FGF12: variants seen among roughly 807,000 people sequenced by gnomAD.
The protein encoded by FGF12 is fibroblast growth factor 12.
FGF12 carries 14 observed loss-of-function variants against 23.6 expected under a neutral mutation model. That is an observed-to-expected ratio of 0.59 (90% CI 0.39 to 0.93). FGF12 has a LOEUF of 0.93. Ranked by LOEUF, FGF12 falls within the 40% of genes least tolerant of loss-of-function variation. The pLI, the probability that FGF12 is intolerant of heterozygous loss-of-function variation, is 0.00. For synonymous variants in FGF12, 62 were observed against 77.3 expected, an observed-to-expected ratio of 0.80 and a Z score of 1.04; for missense variants, 175 against 217.8, an observed-to-expected ratio of 0.80 and a Z score of 1.24.
intron 2 of FGF12, among the ~76,000 whole-genome samples, chr3:192,540,941 T>C (rs188261883): frequency 1.7e-3 from 260 of 152,268 alleles, no homozygotes; most frequent in African/African-American, 5.9e-3. Context: ...CTTTGTCTGA[T>C]GTAAGTATAG....
chr3:192,482,956 TTGTC>T (rs567823002), intron 2 of FGF12, among the ~76,000 whole-genome samples: 16 of 152,178 alleles, frequency 1.1e-4, no homozygotes, highest in Non-Finnish European at 2.1e-4. Flanking sequence ...CAACTTTCCA[TTGTC>T]TGAAGAATAA....
chr3:192,687,709 T>G (rs1326091856), intron 2 of FGF12, among the ~76,000 whole-genome samples: 1 of 151,872 alleles, frequency 6.6e-6, no homozygotes, highest in East Asian at 1.9e-4. Context: ...AGCTCCTGCC[T>G]CCACCACTAT....
At chr3:192,414,087 T>C (rs1266540766) in intron 2 of FGF12, among the ~76,000 whole-genome samples, 2 of 152,204 alleles carry the variant, frequency 1.3e-5, no homozygotes, top group Non-Finnish European at 2.9e-5. Context: ...AGAGAACAGA[T>C]TTAATTCCTC....
At chr3:192,498,922 T>C (rs1286406014) in intron 2 of FGF12, among the ~76,000 whole-genome samples, 1 of 152,218 alleles carries the variant, frequency 6.6e-6, no homozygotes, top group Non-Finnish European at 1.5e-5. Context: ...CATAACAGAA[T>C]AGGTCAGAAA....
intron 2 of FGF12, among the ~76,000 whole-genome samples, chr3:192,378,813 A>G (rs1474747058): frequency 6.6e-6 from 1 of 151,924 alleles, no homozygotes; most frequent in Non-Finnish European, 1.5e-5. Flanking sequence ...TATACAGGTA[A>G]ACTCATGGAT....
At chr3:192,677,440 G>A (rs532092233) in intron 2 of FGF12, among the ~76,000 whole-genome samples, 78 of 152,284 alleles carry the variant, frequency 5.1e-4, no homozygotes, top group African/African-American at 1.6e-3. Context: ...GGCCCAGAGC[G>A]TTTTATACAT....
chr3:192,164,044 G>T (rs1220399148), intron 5 of FGF12, among the ~76,000 whole-genome samples: 2 of 151,610 alleles, frequency 1.3e-5, no homozygotes, highest in Non-Finnish European at 2.9e-5. Context: ...TTTTTTTTCA[G>T]AAGGGAAGAA....
intron 2 of FGF12, among the ~76,000 whole-genome samples, chr3:192,506,088 T>C (rs1317001721): frequency 1.3e-5 from 2 of 152,186 alleles, no homozygotes; most frequent in Non-Finnish European, 2.9e-5. Flanking sequence ...GAAGCAGGGA[T>C]AGGAAGGCAC....
Position 192,182,410 on chromosome 3 carries a change from A to G in FGF12, c.229-11754T>C, listed in dbSNP as rs1021582286. On this transcript the variant is annotated intron_variant, in intron 4 of 5. Coordinates refer to ENST00000445105, the MANE Select transcript of FGF12 (RefSeq NM_004113.6). ...ATAAAACATATATTCTGAAGTGCAA[A>G]TTTACTTACCCAGGCTCACAAAACA... Among the ~76,000 whole-genome samples, 4 of 152,212 alleles carry G rather than the reference A, an allele frequency of 2.6e-5. No homozygotes were observed. The South Asian group carries it at 8.3e-4, about 32-fold the overall frequency.
intron 2 of FGF12, among the ~76,000 whole-genome samples, chr3:192,449,885 C>A (rs1232102542): frequency 1.3e-5 from 2 of 152,170 alleles, no homozygotes; most frequent in Non-Finnish European, 1.5e-5. Context: ...TGTATCTCAG[C>A]CTTATGACAG....
intron 2 of FGF12, among the ~76,000 whole-genome samples, chr3:192,494,859 T>TATAA (rs1553821378): frequency 7.7e-5 from 10 of 130,500 alleles, no homozygotes; most frequent in African/African-American, 2.8e-4. Context: ...TATATATATA[T>TATAA]AAAATACATT....
chr3:192,637,380 C>A (rs1044703505), intron 2 of FGF12, among the ~76,000 whole-genome samples: 8 of 152,276 alleles, frequency 5.3e-5, no homozygotes, highest in African/African-American at 1.7e-4. Context: ...ATATTTGTGG[C>A]CCCTGACAGT....
intron 2 of FGF12, among the ~76,000 whole-genome samples, chr3:192,486,105 G>T (rs1723625533): frequency 6.6e-6 from 1 of 152,018 alleles, no homozygotes. Flanking sequence ...TAGGTCCAAA[G>T]AATACAGCAC....
At chr3:192,474,658 G>A (rs1723266351) in intron 2 of FGF12, among the ~76,000 whole-genome samples, 1 of 152,074 alleles carries the variant, frequency 6.6e-6, no homozygotes, top group Non-Finnish European at 1.5e-5. Flanking sequence ...GGCCAAGGTG[G>A]GTGGATCACC....
intron 4 of FGF12, among the ~76,000 whole-genome samples, chr3:192,258,403 A>G (rs1373410736): frequency 6.6e-6 from 1 of 152,204 alleles, no homozygotes; most frequent in Non-Finnish European, 1.5e-5. Flanking sequence ...GGTTGCAGTG[A>G]GCTGAAATCA....
intron 2 of FGF12, among the ~76,000 whole-genome samples, chr3:192,550,035 T>C (rs1725592625): frequency 6.6e-6 from 1 of 152,066 alleles, no homozygotes; most frequent in African/African-American, 2.4e-5. Context: ...TCTCTCTATA[T>C]ATGTATATTA....
At position 192,338,525 on chromosome 3, in the gene FGF12, A is replaced by G. The variant is rs537335560; in HGVS notation, c.125-3061T>C. Among the ~76,000 whole-genome samples, 12 of 152,306 alleles carry G rather than the reference A, an allele frequency of 7.9e-5. No individual in the cohort carries two copies. In the East Asian group the frequency reaches 2.1e-3, roughly 27 times the overall value. ...TGAGGAATCCTTCCTTAAAGACAGC[A>G]TAAAGGTGTCCTTTGTGCCCCTTCT... is the stretch of plus-strand genomic sequence containing the variant. On this transcript the variant is annotated intron_variant, in intron 3 of 5. Coordinates refer to ENST00000445105, the MANE Select transcript of FGF12 (RefSeq NM_004113.6).
At chr3:192,505,461 C>T (rs1371848439) in intron 2 of FGF12, among the ~76,000 whole-genome samples, 3 of 152,104 alleles carry the variant, frequency 2.0e-5, no homozygotes, top group African/African-American at 7.2e-5. Flanking sequence ...GGAAACAAAA[C>T]ATATTAATGT....
intron 2 of FGF12, among the ~76,000 whole-genome samples, chr3:192,428,716 A>C (rs1003220356): frequency 4.6e-5 from 7 of 152,120 alleles, no homozygotes; most frequent in Non-Finnish European, 4.4e-5. Flanking sequence ...GAGAAAAAAA[A>C]CCTGTATATT....
Sources: allele counts gnomAD v4.1 joint callset (sites outside exome capture counted in the v4.1 genomes callset), GRCh38; gene constraint gnomAD v4.1.1; transcripts MANE v1.5; gene names NCBI Gene and HGNC (gene_info 2026-07-23, HGNC 2026-07-21).